SIPA1L2: variants seen among roughly 807,000 people sequenced by gnomAD.
The protein encoded by SIPA1L2 is signal induced proliferation associated 1 like 2.
SIPA1L2 carries 56 observed loss-of-function variants against 163.9 expected under a neutral mutation model. The observed-to-expected ratio is 0.34, with a 90% CI of 0.28 to 0.43. The LOEUF (loss-of-function observed/expected upper bound fraction) is 0.43, where lower values mean the gene tolerates loss of function less well. SIPA1L2 is among the 20% of genes least tolerant of loss of function. The pLI, the probability that SIPA1L2 is intolerant of heterozygous loss-of-function variation, is 1.00. For missense variants in SIPA1L2, 1,974 were observed against 2,193.5 expected (o/e 0.90, Z 2.00); for synonymous variants, 877 against 865.7 (o/e 1.01, Z -0.23).
intron 10 of SIPA1L2, among the ~76,000 whole-genome samples, chr1:232,460,091 A>G (rs969674629): frequency 2.6e-5 from 4 of 152,188 alleles, no homozygotes; most frequent in African/African-American, 7.2e-5. Flanking sequence ...AGATAGAGGG[A>G]AGGTGCTCTA....
In SIPA1L2 at chr1:232,461,167, G is replaced by A; in HGVS notation, c.2821-6C>T. The A allele has an allele frequency of 6.2e-7, 1 of 1,612,754 alleles. No individual in the cohort carries two copies. The highest frequency in any genetic ancestry group is 1.1e-5 in the South Asian group (1 of 90,898). ...TCGCAGCCTCTCGTCACTATCTAAG[G>A]GGGAAGGAGACTGTTAGAGATGCCC... On this transcript the variant is annotated splice_polypyrimidine_tract_variant and splice_region_variant and intron_variant, in intron 9 of 22. Coordinates refer to ENST00000674635, the MANE Select transcript of SIPA1L2 (RefSeq NM_020808.5).
intron 1 of SIPA1L2, among the ~76,000 whole-genome samples, chr1:232,592,620 G>A (rs1399474995): frequency 2.0e-5 from 3 of 152,080 alleles, no homozygotes; most frequent in Non-Finnish European, 4.4e-5. Context: ...TCAAAGGAAG[G>A]AAAGTTTACT....
chr1:232,528,840 C>T (rs908536336), intron 2 of SIPA1L2, among the ~76,000 whole-genome samples: 9 of 152,338 alleles, frequency 5.9e-5, no homozygotes, highest in East Asian at 5.8e-4. Context: ...CACTCCCAAT[C>T]GCATTTTACT....
At chr1:232,533,583 T>C (rs1236779245) in intron 2 of SIPA1L2, among the ~76,000 whole-genome samples, 8 of 152,148 alleles carry the variant, frequency 5.3e-5, no homozygotes, top group Non-Finnish European at 2.9e-5. Context: ...CAGTGTTCAA[T>C]CTAAAAATAG....
At chr1:232,605,814 A>T (rs565883451) in intron 1 of SIPA1L2, among the ~76,000 whole-genome samples, 2 of 152,368 alleles carry the variant, frequency 1.3e-5, no homozygotes, top group Non-Finnish European at 2.9e-5. Flanking sequence ...AGATAAAAAT[A>T]AAAAATACAG....
intron 2 of SIPA1L2, among the ~76,000 whole-genome samples, chr1:232,532,894 G>A (rs1437922913): frequency 1.3e-5 from 2 of 152,162 alleles, no homozygotes; most frequent in Non-Finnish European, 2.9e-5. Context: ...GAGAACTGTG[G>A]AACTAAGGTC....
At chr1:232,452,167 G>C (rs945532887) in intron 10 of SIPA1L2, among the ~76,000 whole-genome samples, 4 of 151,870 alleles carry the variant, frequency 2.6e-5, no homozygotes, top group African/African-American at 9.7e-5. Context: ...GCTTAATCCT[G>C]TAAAAGGGAC....
intron 2 of SIPA1L2, among the ~76,000 whole-genome samples, chr1:232,560,182 G>A (rs1658952257): frequency 6.6e-6 from 1 of 152,198 alleles, no homozygotes; most frequent in Non-Finnish European, 1.5e-5. Context: ...CTGTGAGCTG[G>A]TGGTAGCATG....
At chr1:232,466,746 A>G (rs974310589) in intron 8 of SIPA1L2, among the ~76,000 whole-genome samples, 2 of 152,148 alleles carry the variant, frequency 1.3e-5, no homozygotes, top group Non-Finnish European at 1.5e-5. Context: ...AGCCGAGATC[A>G]CGCCACTGCA....
At position 232,584,650 on chromosome 1, in the gene SIPA1L2, TTTTCAGTGAACC is replaced by T. The variant is rs1414376441; in HGVS notation, c.-318-10440_-318-10429del. ...TCATTAATCTACCTCTTGTCAATGATTTTCAGTGAACCTTTCAGAGGGTGACAGGGAAGTTTT... is the reference window on the plus strand; with the variant it reads ...TCATTAATCTACCTCTTGTCAATGATTTTCAGAGGGTGACAGGGAAGTTTT... On this transcript the variant is annotated intron_variant, in intron 1 of 22. Transcript: ENST00000674635. 1.7e-3 allele frequency among the ~76,000 whole-genome samples: 257 copies of T among 152,298 alleles called. 5 individuals are homozygous for T. The highest frequency in any genetic ancestry group is 2.8e-4 in the Non-Finnish European group (19 of 68,010).
At chr1:232,603,944 C>T (rs547010348) in intron 1 of SIPA1L2, among the ~76,000 whole-genome samples, 62 of 152,156 alleles carry the variant, frequency 4.1e-4, no homozygotes, top group African/African-American at 1.4e-3. Flanking sequence ...AGAAGTGAAG[C>T]GAGCAGGGAA....
intron 2 of SIPA1L2, among the ~76,000 whole-genome samples, 165 bp downstream of exon 2, chr1:232,574,009 G>A (rs761787645): frequency 2.6e-5 from 4 of 152,078 alleles, no homozygotes; most frequent in Non-Finnish European, 4.4e-5. Context: ...TTAAAACAAT[G>A]CTCACCCATG....
chr1:232,557,346 C>T (rs950105041), intron 2 of SIPA1L2, among the ~76,000 whole-genome samples: 2 of 152,124 alleles, frequency 1.3e-5, no homozygotes, highest in African/African-American at 2.4e-5. Flanking sequence ...AGAGTTCAGG[C>T]GCTTTTCAAT....
intron 1 of SIPA1L2, among the ~76,000 whole-genome samples, chr1:232,616,068 C>T (rs1408979146): frequency 6.6e-6 from 1 of 152,238 alleles, no homozygotes; most frequent in Non-Finnish European, 1.5e-5. Context: ...GAGGAAGCCG[C>T]TGACTGACAT....
rs553679975 is a variant in SIPA1L2, at chr1:232,511,875, T to C, written c.1483+1982A>G. ...GACAACAGAAGCCAAAAATGACAAA[T>C]GGGATCTAATTAAACTAAAGAGCTT... On this transcript the variant is annotated intron_variant, in intron 3 of 22. Coordinates refer to ENST00000674635, the MANE Select transcript of SIPA1L2 (RefSeq NM_020808.5). 5.0e-4 allele frequency among the ~76,000 whole-genome samples: 76 copies of C among 152,090 alleles called. 2 individuals are homozygous for C. In the South Asian group the frequency reaches 0.014, roughly 28 times the overall value.
intron 7 of SIPA1L2, among the ~76,000 whole-genome samples, chr1:232,477,671 T>C (rs1223397503): frequency 6.6e-6 from 1 of 152,182 alleles, no homozygotes; most frequent in Non-Finnish European, 1.5e-5. Flanking sequence ...TGTCCTGATT[T>C]TTGCGCATAC....
chr1:232,448,144 T>G (rs1425331077), intron 10 of SIPA1L2, among the ~76,000 whole-genome samples: 1 of 152,212 alleles, frequency 6.6e-6, no homozygotes, highest in Non-Finnish European at 1.5e-5. Context: ...TTAAGACTCT[T>G]TAGCCTAAAA....
chr1:232,491,130 T>G lies in SIPA1L2; in HGVS notation c.1618-68A>C. ...AATTACCTACTCACAGCCTAACTGTTTGGCTGCCTTAAGACAGGAAAAAGA... is the reference window on the plus strand; with the variant it reads ...AATTACCTACTCACAGCCTAACTGTGTGGCTGCCTTAAGACAGGAAAAAGA... On this transcript the variant is annotated intron_variant, in intron 4 of 22. Coordinates refer to ENST00000674635, the MANE Select transcript of SIPA1L2 (RefSeq NM_020808.5). 2.8e-6 allele frequency: 4 copies of G among 1,415,790 alleles called. No homozygotes were observed. In the South Asian group the frequency reaches 4.0e-5, roughly 14 times the overall value. The allele number at this position is 1,415,790 out of a possible 1,614,324, so 87.7% of individuals were successfully genotyped here.
chr1:232,423,886 G>A (rs1208037724), intron 18 of SIPA1L2, among the ~76,000 whole-genome samples: 1 of 152,174 alleles, frequency 6.6e-6, no homozygotes, highest in Admixed American at 6.5e-5. Flanking sequence ...AGTCTGAAAA[G>A]GCTGCATACT....
Sources: gnomAD v4.1 joint callset for allele counts (sites outside exome capture counted in the v4.1 genomes callset) on GRCh38, gnomAD v4.1.1 for gene constraint, MANE v1.5 for transcripts, NCBI Gene and HGNC (gene_info 2026-07-23, HGNC 2026-07-21) for gene names.